The following CBFA2T3 variants were observed in gnomAD, a reference collection of about 807,000 sequenced individuals.
CBFA2T3 encodes transcriptional corepressor CBFA2T3.
CBFA2T3 carries 31 observed loss-of-function variants against 58.6 expected under a neutral mutation model. The observed-to-expected ratio is 0.53, with a 90% CI of 0.40 to 0.71. The LOEUF (loss-of-function observed/expected upper bound fraction) is 0.71. CBFA2T3 is among the 30% of genes least tolerant of loss of function. The pLI is 0.00. For missense variants in CBFA2T3, 1,076 were observed against 963.1 expected, an observed-to-expected ratio of 1.12 and a Z score of -1.55; for synonymous variants, 531 against 421.9, an observed-to-expected ratio of 1.26 and a Z score of -3.17.
Position 88,881,375 on chromosome 16 carries a change from C to G in CBFA2T3, c.1318G>C (p.Asp440His), listed in dbSNP as rs759685635. 6.3e-7 allele frequency: 1 copy of G among 1,592,152 alleles called. No homozygotes were observed. The highest frequency in any genetic ancestry group is 8.5e-7 in the Non-Finnish European group (1 of 1,171,038). The change falls in exon 9 of 12, where the codon GAC (aspartate) becomes CAC (histidine). Residue 440 changes from aspartate to histidine, a missense_variant. Asp to His is a moderately conservative substitution (Grantham distance 81, BLOSUM62 -1). Transcript: ENST00000268679. ...ELNHWARRYS[D>H]AEDTKKGPAP... is the part of the protein sequence containing the mutation. ...GGGCCCTTCTTTGTGTCCTCGGCGT[C>G]GCTGTAGCGCCGCGCCCAGTGGTTG...
intron 5 of CBFA2T3, among the ~76,000 whole-genome samples, chr16:88,889,076 G>T (rs1291930357): frequency 6.6e-6 from 1 of 151,846 alleles, no homozygotes; most frequent in Non-Finnish European, 1.5e-5. Flanking sequence ...CTGAGGCTGG[G>T]GGCATCTGTT....
chr16:88,904,750 T>C (rs919429126), intron 1 of CBFA2T3, among the ~76,000 whole-genome samples: 1 of 151,994 alleles, frequency 6.6e-6, no homozygotes, highest in Non-Finnish European at 1.5e-5. Flanking sequence ...GCTGTGCAGG[T>C]GATGGGACCT....
At chr16:88,916,905 C>T (rs972091816) in intron 1 of CBFA2T3, among the ~76,000 whole-genome samples, 12 of 151,340 alleles carry the variant, frequency 7.9e-5, no homozygotes, top group South Asian at 4.2e-4. Context: ...GGGTCTCGAA[C>T]GTTGTATCAG....
At chr16:88,878,705 G>C (rs1306251955) in intron 11 of CBFA2T3, among the ~76,000 whole-genome samples, 1 of 152,204 alleles carries the variant, frequency 6.6e-6, no homozygotes, top group Admixed American at 6.5e-5. Flanking sequence ...CAGCACTTTG[G>C]GATGCCGAGG....
At chr16:88,916,155 T>C (rs1397258714) in intron 1 of CBFA2T3, among the ~76,000 whole-genome samples, 6 of 151,422 alleles carry the variant, frequency 4.0e-5, no homozygotes, top group African/African-American at 1.5e-4. Flanking sequence ...TGTGTGTGCA[T>C]GTGTATTCAT....
intron 11 of CBFA2T3, 121 bp from the exon 12 acceptor site, chr16:88,877,396 A>G (rs777686891): frequency 1.4e-5 from 11 of 775,394 alleles, no homozygotes; most frequent in Non-Finnish European, 1.8e-5. Flanking sequence ...GAGAAACTCC[A>G]AAGCCCCACA....
At chr16:88,956,192 G>A (rs991436011) in intron 1 of CBFA2T3, among the ~76,000 whole-genome samples, 3 of 152,246 alleles carry the variant, frequency 2.0e-5, no homozygotes, top group Non-Finnish European at 4.4e-5. Context: ...CCAGCCCGAG[G>A]CCATGTAGAG....
chr16:88,951,342 C>T (rs1295909941), intron 1 of CBFA2T3: 2 of 457,404 alleles, frequency 4.4e-6, no homozygotes, highest in African/African-American at 4.0e-5. Context: ...CTCCATCCCT[C>T]CCTTTGTTTG....
rs368873047 is a variant in CBFA2T3 at position 88,935,693 on chromosome 16, C to T, written c.152-34037G>A. On this transcript the variant is annotated intron_variant, in intron 1 of 11. Transcript: ENST00000268679. ...AAGGTGCAGACAATGAACTTCTGTT[C>T]GGGGGCCTGCAGAGAAGGGGGCCTG... 3.6e-4 allele frequency among the ~76,000 whole-genome samples: 55 copies of T among 152,272 alleles called. 1 individual carries two copies. The South Asian group carries it at 0.01, about 29-fold the overall frequency.
At chr16:88,895,965 C>A (rs1358163322) in intron 3 of CBFA2T3, among the ~76,000 whole-genome samples, 1 of 152,224 alleles carries the variant, frequency 6.6e-6, no homozygotes, top group Non-Finnish European at 1.5e-5. Context: ...CAGAGGACAG[C>A]ATGGCAGTGA....
intron 1 of CBFA2T3, among the ~76,000 whole-genome samples, chr16:88,931,600 A>T (rs1354728456): frequency 6.7e-6 from 1 of 148,708 alleles, no homozygotes; most frequent in Non-Finnish European, 1.5e-5. Context: ...CCAGAGGTGG[A>T]GAAGGGCCGT....
At chr16:88,976,055 A>T (rs1054617315) in intron 1 of CBFA2T3, among the ~76,000 whole-genome samples, 1 of 152,174 alleles carries the variant, frequency 6.6e-6, no homozygotes, top group African/African-American at 2.4e-5. Flanking sequence ...GGTGGGGGGT[A>T]TCAGCAATAG....
Position 88,876,972 on chromosome 16 carries a change from G to A in CBFA2T3, c.*4C>T. 1 of 1,426,818 alleles carries A rather than the reference G, an allele frequency of 7.0e-7. No homozygotes were observed. Among genetic ancestry groups the A allele is most frequent in the Non-Finnish European group, 9.1e-7 (1 of 1,095,818 alleles). The allele number at this position is 1,426,818 out of a possible 1,614,324, so 88.4% of individuals were successfully genotyped here. ...TGTGTCCGGCAGGCCAGGGGCCAGT[G>A]GGGTCAGCGGGGCACGGTGTCCAGT... On this transcript the variant is annotated 3_prime_UTR_variant, in exon 12 of 12. Transcript: ENST00000268679.
chr16:88,931,315 G>C (rs749033961), intron 1 of CBFA2T3, among the ~76,000 whole-genome samples: 8 of 152,138 alleles, frequency 5.3e-5, no homozygotes, highest in African/African-American at 9.7e-5. Context: ...GTGGAGGCCA[G>C]GCCCAGAAGG....
At chr16:88,888,589 G>GGGGGAGGGGTGT (rs1969492096) in intron 5 of CBFA2T3, among the ~76,000 whole-genome samples, 1 of 43,518 alleles carries the variant, frequency 2.3e-5, no homozygotes, top group African/African-American at 1.1e-4. Flanking sequence ...GGGGTGGGGT[G>GGGGGAGGGGTGT]GGGTGGGGTG....
At chr16:88,919,541 G>A (rs1970845060) in intron 1 of CBFA2T3, among the ~76,000 whole-genome samples, 2 of 152,162 alleles carry the variant, frequency 1.3e-5, no homozygotes, top group African/African-American at 4.8e-5. Flanking sequence ...AGCCTTACGG[G>A]TAAGAAGCTC....
Position 88,877,127 on chromosome 16 carries a change from GCCAC to G in CBFA2T3, c.1807_1810del (p.Val603ProfsTer145). 1.3e-6 allele frequency: 2 copies of G among 1,548,760 alleles called. No individual in the cohort carries two copies. Among genetic ancestry groups the G allele is most frequent in the South Asian group, 2.4e-5 (2 of 84,010 alleles). On this transcript the variant is annotated frameshift_variant, in exon 12 of 12. Coordinates refer to ENST00000268679, the MANE Select transcript of CBFA2T3 (RefSeq NM_005187.6). LOFTEE classifies it low-confidence loss of function (END_TRUNC). The stretch of plus-strand genomic sequence containing the variant: ...TTCGGGCGGTCCAGGCACCGGGTCG[GCCAC>G]CACGGCTGTGGGGCCCTGCAGGCTC...
intron 1 of CBFA2T3, among the ~76,000 whole-genome samples, chr16:88,906,789 A>T (rs1447693028): frequency 6.6e-6 from 1 of 152,198 alleles, no homozygotes; most frequent in Non-Finnish European, 1.5e-5. Context: ...CTCAGAGCCC[A>T]GAAGCACCAG....
chr16:88,963,962 G>A (rs1303846175), intron 1 of CBFA2T3, among the ~76,000 whole-genome samples: 1 of 152,236 alleles, frequency 6.6e-6, no homozygotes, highest in Non-Finnish European at 1.5e-5. Flanking sequence ...AGTGCATCTT[G>A]AGAAAGAGAA....
Sources: allele counts gnomAD v4.1 joint callset (sites outside exome capture counted in the v4.1 genomes callset), GRCh38; gene constraint gnomAD v4.1.1; transcripts MANE v1.5; gene names NCBI Gene and HGNC (gene_info 2026-07-23, HGNC 2026-07-21).